The following CUX1 variants were observed in gnomAD, a reference collection of about 807,000 sequenced individuals.
The protein encoded by CUX1 is protein CASP.
CUX1 carries 31 observed loss-of-function variants against 158.8 expected under a neutral mutation model. The observed-to-expected ratio is 0.20, with a 90% CI of 0.15 to 0.26. The LOEUF (loss-of-function observed/expected upper bound fraction) is 0.26. Among genes scored for constraint, CUX1 ranks in the 10% least tolerant of loss-of-function variants. The probability of loss-of-function intolerance (pLI) is 1.00; values close to 1 mark genes in which losing one functional copy is unlikely to be tolerated. For missense variants in CUX1, 1,589 were observed against 2,014.6 expected (o/e 0.79, Z 4.04); for synonymous variants, 879 against 862.1 (o/e 1.02, Z -0.34).
rs114236982 is a variant in CUX1 at position 101,824,904 on chromosome 7, T to C, written c.30+7235T>C. 4.9e-3 allele frequency among the ~76,000 whole-genome samples: 750 copies of C among 152,346 alleles called. 6 individuals carry two copies. The highest frequency in any genetic ancestry group is 0.017 in the African/African-American group (705 of 41,586). On this transcript the variant is annotated intron_variant, in intron 1 of 23. Transcript: ENST00000292535. ...CGTTCTCCCTCTGGAACTGGGAACA[T>C]TCTGTGGCTCCCGTCACCATTTCTG...
chr7:102,023,616 G>A (rs570420458), intron 2 of CUX1, among the ~76,000 whole-genome samples: 8 of 152,310 alleles, frequency 5.3e-5, no homozygotes, highest in Admixed American at 3.3e-4. Flanking sequence ...GTGAGCCGCC[G>A]TGCCTGGCCA....
In CUX1 at chr7:102,071,121, T is replaced by G. The variant is rs543207842; in HGVS notation, c.268+704T>G. Among the ~76,000 whole-genome samples, 58 of 151,920 alleles carry G rather than the reference T, an allele frequency of 3.8e-4. No individual in the cohort carries two copies. In the South Asian group the frequency reaches 0.012, roughly 32 times the overall value. On this transcript the variant is annotated intron_variant, in intron 4 of 23. Transcript: ENST00000292535. Reference sequence around the variant, plus strand: ...ACGTGCCACCACATTCAGCTAATTTTTGTATTTTTTGTACAATGAGTGCGA... The same window carrying G: ...ACGTGCCACCACATTCAGCTAATTTGTGTATTTTTTGTACAATGAGTGCGA...
At chr7:102,062,115 T>C (rs1824945203) in intron 3 of CUX1, among the ~76,000 whole-genome samples, 1 of 152,142 alleles carries the variant, frequency 6.6e-6, no homozygotes, top group Non-Finnish European at 1.5e-5. Flanking sequence ...CACTGGCTCT[T>C]AAATCTTAAT....
intron 1 of CUX1, among the ~76,000 whole-genome samples, chr7:101,865,631 C>A (rs749667550): frequency 6.6e-6 from 1 of 152,234 alleles, no homozygotes; most frequent in African/African-American, 2.4e-5. Flanking sequence ...TTTCCACATT[C>A]ATTCTTACGC....
rs1376459465 is a variant in CUX1, at chr7:102,174,216, T to C, written c.828+3666T>C. Among the ~76,000 whole-genome samples the C allele has an allele frequency of 2.6e-5, 4 of 152,110 alleles. No individual in the cohort carries two copies. In the South Asian group the frequency reaches 6.2e-4, roughly 24 times the overall value. ...CTCACTGCAACCTCCACTCCTGGGT[T>C]TAACCAATTCTCCTGTCTCAGCCTT... On this transcript the variant is annotated intron_variant, in intron 10 of 23. Coordinates refer to ENST00000292535, the MANE Select transcript of CUX1 (RefSeq NM_181552.4).
chr7:102,277,103 C>A lies in CUX1; in HGVS notation c.1564-846C>A, dbSNP rs146498527. On this transcript the variant is annotated intron_variant, in intron 17 of 22. Transcript: ENST00000292538. ...TTGCTTGAGCCCAGGAGTTTGAGAC[C>A]AGCCTGGGCAACGCAGTGAGACCCC... is the stretch of plus-strand genomic sequence containing the variant. Among the ~76,000 whole-genome samples the A allele has an allele frequency of 9.3e-4, 142 of 152,008 alleles. 1 individual carries two copies. In the East Asian group the frequency reaches 0.02, roughly 22 times the overall value.
intron 2 of CUX1, among the ~76,000 whole-genome samples, chr7:101,957,093 C>T (rs537497497): frequency 6.6e-6 from 1 of 152,288 alleles, no homozygotes; most frequent in South Asian, 2.1e-4. Flanking sequence ...ATCATTCATT[C>T]AAATTATTAT....
chr7:101,917,622 C>T (rs925819832), intron 2 of CUX1, among the ~76,000 whole-genome samples: 9 of 152,162 alleles, frequency 5.9e-5, no homozygotes, highest in Non-Finnish European at 8.8e-5. Flanking sequence ...GGGGACAGAA[C>T]GTCCTTCTTC....
At chr7:102,142,338 T>C (rs1170920382) in intron 8 of CUX1, among the ~76,000 whole-genome samples, 3 of 152,084 alleles carry the variant, frequency 2.0e-5, no homozygotes, top group African/African-American at 7.2e-5. Context: ...ATGCAGAAAC[T>C]GGGCAAGCAG....
chr7:101,838,103 T>C (rs1794829380), intron 1 of CUX1, among the ~76,000 whole-genome samples: 1 of 151,920 alleles, frequency 6.6e-6, no homozygotes, highest in Non-Finnish European at 1.5e-5. Context: ...CCTAAATCTT[T>C]TTCTCCTTCC....
At chr7:101,883,444 T>C (rs761898413) in intron 1 of CUX1, among the ~76,000 whole-genome samples, 2 of 152,192 alleles carry the variant, frequency 1.3e-5, no homozygotes, top group African/African-American at 4.8e-5. Flanking sequence ...TATTGCTGTT[T>C]ATTGTACTTT....
At chr7:102,160,453 C>T (rs1226225467) in intron 9 of CUX1, among the ~76,000 whole-genome samples, 2 of 152,056 alleles carry the variant, frequency 1.3e-5, no homozygotes, top group Non-Finnish European at 2.9e-5. Flanking sequence ...TTTGGCAAAG[C>T]GAATGCACTT....
intron 16 of CUX1, among the ~76,000 whole-genome samples, chr7:102,199,712 A>C (rs1464636594): frequency 1.3e-5 from 2 of 152,182 alleles, no homozygotes; most frequent in Non-Finnish European, 2.9e-5. Flanking sequence ...CCCCGAGGAG[A>C]GTCAGTCCCA....
At chr7:102,241,098 G>T (rs2132515282) in intron 23 of CUX1, among the ~76,000 whole-genome samples, 1 of 152,238 alleles carries the variant, frequency 6.6e-6, no homozygotes, top group East Asian at 1.9e-4. Context: ...GGGATTACAG[G>T]CATGAGCCAC....
intron 20 of CUX1, among the ~76,000 whole-genome samples, chr7:102,216,564 A>ACACACT (rs1797106331): frequency 1.4e-5 from 1 of 71,570 alleles, no homozygotes; most frequent in Admixed American, 1.7e-4. Flanking sequence ...ACGCACACAC[A>ACACACT]CTCCCACACA....
chr7:102,074,895 A>C (rs412524), intron 4 of CUX1, among the ~76,000 whole-genome samples: 1 of 152,160 alleles, frequency 6.6e-6, no homozygotes, highest in Non-Finnish European at 1.5e-5. Context: ...GTCTTGCTCT[A>C]TCACCTGGGC....
chr7:102,073,433 A>T (rs1020644651), intron 4 of CUX1, among the ~76,000 whole-genome samples: 5 of 152,018 alleles, frequency 3.3e-5, no homozygotes, highest in African/African-American at 1.2e-4. Context: ...TCAGCCTCCC[A>T]AAGCGCTAGG....
intron 3 of CUX1, among the ~76,000 whole-genome samples, chr7:102,061,171 G>T (rs956375639): frequency 3.3e-5 from 5 of 152,092 alleles, no homozygotes; most frequent in African/African-American, 4.8e-5. Context: ...TGATCCATCT[G>T]CTTTGGCCTC....
intron 1 of CUX1, among the ~76,000 whole-genome samples, chr7:101,835,009 TAAATAAATA>T (rs1460215794): frequency 1.3e-5 from 2 of 151,274 alleles, no homozygotes; most frequent in Non-Finnish European, 2.9e-5. Context: ...AATAAATAAA[TAAATAAATA>T]AATAAATAAA....
Sources: gnomAD v4.1 joint callset for allele counts (sites outside exome capture counted in the v4.1 genomes callset) on GRCh38, gnomAD v4.1.1 for gene constraint, MANE v1.5 for transcripts, NCBI Gene and HGNC (gene_info 2026-07-23, HGNC 2026-07-21) for gene names.